FOXP4: variants seen among roughly 807,000 people sequenced by gnomAD.
The protein encoded by FOXP4 is forkhead box protein P4.
In FOXP4, 25 loss-of-function variants were observed where a neutral mutation model predicts 82.6. The observed-to-expected ratio is 0.30, with a 90% CI of 0.22 to 0.42. FOXP4 has a LOEUF of 0.42. FOXP4 is among the 10% of genes least tolerant of loss of function. The pLI is 1.00. For synonymous variants in FOXP4, 415 were observed against 388.2 expected (o/e 1.07, Z -0.81); for missense variants, 785 against 900.9 (o/e 0.87, Z 1.65).
In FOXP4 at chr6:41,593,119, A is replaced by G. The variant is rs975906828; in HGVS notation, c.1537-1751A>G. ...CTTCTGGTTTTTTTCAGCCAAATGC[A>G]TTCATGTTACTTGGGAAATACACCA... On this transcript the variant is annotated intron_variant, in intron 13 of 16. Transcript: ENST00000307972. This position sits in a 1 kb window ranked among gnomAD's most constrained non-coding sequence, Gnocchi z 4.1. Among the ~76,000 whole-genome samples the G allele has an allele frequency of 6.6e-6, 1 of 151,420 alleles. No homozygotes were observed. Among genetic ancestry groups the G allele is most frequent in the African/African-American group, 2.4e-5 (1 of 41,120 alleles).
In FOXP4 at chr6:41,597,804, C is replaced by A. The variant is rs562089407; in HGVS notation, c.1749C>A (p.Phe583Leu). 4 of 1,607,582 alleles carry A rather than the reference C, an allele frequency of 2.5e-6. No homozygotes were observed. In the South Asian group the frequency reaches 4.4e-5, roughly 18 times the overall value. The change falls in exon 16 of 17, where the codon TTC becomes TTA. Residue 583 changes from phenylalanine (F) to leucine (L), a missense_variant. Phe to Leu is a conservative substitution (Grantham distance 22). This residue lies in a region of FOXP4 where 184 missense variants were observed against 187.3 expected (regional missense o/e 0.98). Coordinates refer to ENST00000307972, the MANE Select transcript of FOXP4 (RefSeq NM_001012426.2). ...AGGCCGCCCTGGCCGAGAGCAGCTT[C>A]CCCCTCCTCAACAGCCCTGGCATGC... Reference protein sequence around the residue: ...SYQAALAESSFPLLNSPGMLN... With the variant: ...SYQAALAESSLPLLNSPGMLN...
At chr6:41,570,132 T>C in intron 2 of FOXP4, 2 of 338,788 alleles carry the variant, frequency 5.9e-6, no homozygotes, top group Non-Finnish European at 1.2e-5. Context: ...TCAACAGTTG[T>C]CTTTGGTCTG....
chr6:41,577,902 TCTC>T (rs1765575595), intron 2 of FOXP4, 81 bp from the exon 3 acceptor site: 6 of 979,096 alleles, frequency 6.1e-6, no homozygotes, highest in Middle Eastern at 2.1e-4. Context: ...CTGATCTCCT[TCTC>T]CTTACTGCCC....
chr6:41,587,887 C>T lies in FOXP4; in HGVS notation c.967C>T (p.Gln323Ter), dbSNP rs1413110452. The change falls in exon 8 of 17, where the codon CAG (glutamine) becomes TAG (stop). Residue 323 changes from glutamine (Q) to a stop codon, truncating the protein, a stop_gained. Coordinates refer to ENST00000307972, the MANE Select transcript of FOXP4 (RefSeq NM_001012426.2). LOFTEE classifies it high-confidence loss of function. ...GCETLCEDLG[Q>*]FIKHLNTEHA... Reference sequence around the variant, plus strand: ...TGAGACCCTGTGTGAAGACCTGGGCCAGTTTATCAAGTAGGTGTCACCCCC... The same window carrying T: ...TGAGACCCTGTGTGAAGACCTGGGCTAGTTTATCAAGTAGGTGTCACCCCC... 2 of 1,556,034 alleles carry T rather than the reference C, an allele frequency of 1.3e-6. No individual in the cohort carries two copies. The highest frequency in any genetic ancestry group is 1.9e-5 in the Admixed American group (1 of 52,258).
Position 41,589,997 on chromosome 6 carries a change from A to G in FOXP4, c.1184A>G (p.Lys395Arg). The G allele has an allele frequency of 6.2e-7, 1 of 1,613,894 alleles. No individual in the cohort carries two copies. The highest frequency in any genetic ancestry group is 8.5e-7 in the Non-Finnish European group (1 of 1,179,964). The part of the protein sequence containing the change: ...NPVPGSSSFS[K>R]VTVSAADSFP... Reference sequence around the variant, plus strand: ...GTCCCCGGCTCCTCCTCATTCTCCAAGGTGACCGTCTCTGCAGCAGACTCA... The same window carrying G: ...GTCCCCGGCTCCTCCTCATTCTCCAGGGTGACCGTCTCTGCAGCAGACTCA... The change falls in exon 11 of 17, where the codon AAG becomes AGG. Residue 395 changes from lysine to arginine, a missense_variant. Physicochemically the swap from Lys to Arg is conservative, Grantham distance 26. Around this residue, in one of 3 missense-constraint regions of FOXP4, gnomAD observed 570 missense variants for 634.0 expected, o/e 0.90. Coordinates refer to ENST00000307972, the MANE Select transcript of FOXP4 (RefSeq NM_001012426.2).
chr6:41,598,637 T>C (rs1349674647), intron 16 of FOXP4, 152 bp from the exon 17 acceptor site: 2 of 1,104,774 alleles, frequency 1.8e-6, no homozygotes, highest in Non-Finnish European at 1.3e-6. Context: ...AAGAGAGCCC[T>C]AGGGGAGATC....
intron 2 of FOXP4, among the ~76,000 whole-genome samples, chr6:41,575,772 C>T (rs1432913237): frequency 6.7e-6 from 1 of 148,964 alleles, no homozygotes; most frequent in African/African-American, 2.5e-5. Context: ...CCTGCTGTTC[C>T]CTCCTGTCCC....
chr6:41,590,831 C>A (rs1766473063), intron 12 of FOXP4, among the ~76,000 whole-genome samples: 1 of 152,190 alleles, frequency 6.6e-6, no homozygotes, highest in African/African-American at 2.4e-5. Flanking sequence ...GCTTAGGGTA[C>A]CTTTTGCCAA....
chr6:41,570,742 G>A (rs777442702), intron 2 of FOXP4, among the ~76,000 whole-genome samples: 1 of 152,180 alleles, frequency 6.6e-6, no homozygotes, highest in South Asian at 2.1e-4. Context: ...TGGGGATACA[G>A]AGGAGAATTT....
intron 1 of FOXP4, among the ~76,000 whole-genome samples, chr6:41,562,808 C>T (rs1345335756): frequency 6.6e-6 from 1 of 152,192 alleles, no homozygotes; most frequent in African/African-American, 2.4e-5. Context: ...GAGAGGCCCC[C>T]CTCCCTCCTG....
In FOXP4 at chr6:41,602,254, C is replaced by T. The variant is rs1300810861; in HGVS notation, c.*3318C>T. On this transcript the variant is annotated 3_prime_UTR_variant, in exon 17 of 17. Transcript: ENST00000307972. ...CCAGATACTGTTTAAAAAAGTAGCA[C>T]TGATGTGTTTTGTAATCTGCCCCTC... The T allele has an allele frequency of 2.0e-5, 3 of 152,188 alleles. No individual in the cohort carries two copies. The highest frequency in any genetic ancestry group is 4.4e-5 in the Non-Finnish European group (3 of 68,028). 9.4% of individuals were successfully genotyped at this position (152,188 alleles called of 1,614,324 possible). A position where few individuals can be genotyped will look rare whatever the true frequency, so the allele number is the denominator to read the frequency against.
intron 1 of FOXP4, among the ~76,000 whole-genome samples, chr6:41,554,027 C>G (rs1764144955): frequency 6.6e-6 from 1 of 152,132 alleles, no homozygotes; most frequent in African/African-American, 2.4e-5. Context: ...GCAGGTAGAG[C>G]TAGGTAGTCA....
chr6:41,559,689 A>G (rs550881536), intron 1 of FOXP4, among the ~76,000 whole-genome samples: 2 of 152,280 alleles, frequency 1.3e-5, no homozygotes, highest in East Asian at 3.9e-4. Flanking sequence ...GGCCCTAAAT[A>G]CATGTTGAAT....
rs1167952011 is a variant in FOXP4, at chr6:41,593,333, G to A, written c.1537-1537G>A. Among the ~76,000 whole-genome samples the A allele has an allele frequency of 1.3e-5, 2 of 152,074 alleles. No individual in the cohort carries two copies. The highest frequency in any genetic ancestry group is 2.9e-5 in the Non-Finnish European group (2 of 68,018). Reference sequence around the variant, plus strand: ...AGGGTTGGGAGCGGGCATGGTGTGGGCCCAGCCAGCTGCCGTTCATCCAGG... The same window carrying A: ...AGGGTTGGGAGCGGGCATGGTGTGGACCCAGCCAGCTGCCGTTCATCCAGG... On this transcript the variant is annotated intron_variant, in intron 13 of 16. Transcript: ENST00000307972. This position sits in a 1 kb window ranked among gnomAD's most constrained non-coding sequence, Gnocchi z 4.1.
chr6:41,575,211 G>A (rs779834011), intron 2 of FOXP4, among the ~76,000 whole-genome samples: 17 of 152,084 alleles, frequency 1.1e-4, no homozygotes, highest in Non-Finnish European at 2.1e-4. Context: ...CTCATGATCC[G>A]CCTGCCTTGG....
chr6:41,597,406 G>C, intron 15 of FOXP4, among the ~76,000 whole-genome samples, 164 bp downstream of exon 15: 2 of 152,272 alleles, frequency 1.3e-5, no homozygotes, highest in East Asian at 3.9e-4. Context: ...CCAACTCGGG[G>C]CCAGCCTCCA....
rs1766628183 is a variant in FOXP4, at chr6:41,593,384, A to G, written c.1537-1486A>G. On this transcript the variant is annotated intron_variant, in intron 13 of 16. Coordinates refer to ENST00000307972, the MANE Select transcript of FOXP4 (RefSeq NM_001012426.2). The surrounding 1 kb of genome is among the most constrained non-coding windows in gnomAD (Gnocchi z 4.1). ...GACAGAGCTGCCATCTGCCAAGCTG[A>G]TGGTCCTTGCTGGCCCTCCCCGTGT... Among the ~76,000 whole-genome samples, 1 of 152,092 alleles carries G rather than the reference A, an allele frequency of 6.6e-6. No individual in the cohort carries two copies. The highest frequency in any genetic ancestry group is 2.4e-5 in the African/African-American group (1 of 41,412).
chr6:41,597,096 G>T (rs544093628), intron 14 of FOXP4, 80 bp from the exon 15 acceptor site: 1 of 1,460,592 alleles, frequency 6.8e-7, no homozygotes, highest in Non-Finnish European at 9.6e-7. Flanking sequence ...AGCACAGGCC[G>T]TTACTTAGTG....
At chr6:41,582,608 G>A (rs1007009710) in intron 3 of FOXP4, among the ~76,000 whole-genome samples, 5 of 152,182 alleles carry the variant, frequency 3.3e-5, no homozygotes, top group African/African-American at 1.2e-4. Flanking sequence ...CATGTCTTTG[G>A]ATGGCAAAAC....
Sources: allele counts gnomAD v4.1 joint callset (sites outside exome capture counted in the v4.1 genomes callset), GRCh38; gene constraint gnomAD v4.1.1; regional missense constraint gnomAD v4.1.1; non-coding constraint Gnocchi (gnomAD v3.1); transcripts MANE v1.5; gene names NCBI Gene and HGNC (gene_info 2026-07-23, HGNC 2026-07-21).